Variants in MATK observed in about 807,000 individuals in gnomAD.
The protein encoded by MATK is megakaryocyte-associated tyrosine-protein kinase.
In MATK, 41 loss-of-function variants were observed where a neutral mutation model predicts 59.8. The ratio of observed to expected loss-of-function variants is 0.69; its 90% CI spans 0.53 to 0.89. The LOEUF is 0.89. Ranked by LOEUF, MATK falls within the 40% of genes least tolerant of loss-of-function variation. The pLI, the probability that MATK is intolerant of heterozygous loss-of-function variation, is 0.00. For synonymous variants in MATK, 308 were observed against 306.1 expected (o/e 1.01, Z -0.06); for missense variants, 593 against 719.6 (o/e 0.82, Z 2.01).
intron 1 of MATK, among the ~76,000 whole-genome samples, chr19:3,794,784 C>A (rs981189088): frequency 6.6e-6 from 1 of 152,082 alleles, no homozygotes; most frequent in African/African-American, 2.4e-5. Flanking sequence ...CTCTCATGAC[C>A]TCATGCTCTA....
intron 1 of MATK, among the ~76,000 whole-genome samples, chr19:3,793,902 C>T (rs1316567322): frequency 6.6e-6 from 1 of 151,990 alleles, no homozygotes; most frequent in Non-Finnish European, 1.5e-5. Flanking sequence ...ATAAAAGCTT[C>T]CCATGGTTCC....
At position 3,785,289 on chromosome 19, in the gene MATK, G is replaced by C; in HGVS notation, c.-151-3C>G. 6.7e-7 allele frequency: 1 copy of C among 1,491,418 alleles called. No homozygotes were observed. The highest frequency in any genetic ancestry group is 8.9e-7 in the Non-Finnish European group (1 of 1,122,896). The allele number at this position is 1,491,418 out of a possible 1,614,324, so 92.4% of individuals were successfully genotyped here. A position where few individuals can be genotyped will look rare whatever the true frequency, so the allele number is the denominator to read the frequency against. On this transcript the variant is annotated splice_region_variant and splice_polypyrimidine_tract_variant and intron_variant, in intron 1 of 13. Transcript: ENST00000310132. Reference sequence around the variant, plus strand: ...CCGAGCCTGGTTCTTCCTGTTTTCTGGTTGGTAGGCAGGGGCAGGGTGGGG... The same window carrying C: ...CCGAGCCTGGTTCTTCCTGTTTTCTCGTTGGTAGGCAGGGGCAGGGTGGGG...
Position 3,778,298 on chromosome 19 carries a change from G to T in MATK, c.1409C>A (p.Pro470His). ...CAGCTTCTCGGCCAGTTTGCGGAAG[G>T]GTGGCCGGCGGGCGGGCTCTGCCTC... ...CWEAEPARRP[P>H]FRKLAEKLAR... Residue 470 changes from proline (P) to histidine (H), a missense_variant, in exon 14 of 14, where the codon CCC becomes CAC. Pro to His is a moderately conservative substitution (Grantham distance 77). Coordinates refer to ENST00000310132, the MANE Select transcript of MATK (RefSeq NM_139355.3). 3.2e-6 allele frequency: 5 copies of T among 1,575,826 alleles called. No individual in the cohort carries two copies. Among genetic ancestry groups the T allele is most frequent in the Non-Finnish European group, 4.3e-6 (5 of 1,165,716 alleles).
intron 1 of MATK, among the ~76,000 whole-genome samples, chr19:3,794,465 C>G (rs1452430994): frequency 6.6e-6 from 1 of 152,000 alleles, no homozygotes; most frequent in Admixed American, 6.6e-5. Context: ...ACCAGTCTGG[C>G]CAACATAGTG....
Position 3,778,315 on chromosome 19 carries a change from C to G in MATK, c.1392G>C (p.Glu464Asp). ...HVLMSSCWEA[E>D]PARRPPFRKL... ...TGCGGAAGGGTGGCCGGCGGGCGGG[C>G]TCTGCCTCCCAGCAGCTGCTCATGA... The change falls in exon 14 of 14, where the codon GAG (glutamate) becomes GAC (aspartate). Residue 464 changes from glutamate (E) to aspartate (D), a missense_variant. Coordinates refer to ENST00000310132, the MANE Select transcript of MATK (RefSeq NM_139355.3). 6.3e-7 allele frequency: 1 copy of G among 1,576,826 alleles called. No homozygotes were observed. The highest frequency in any genetic ancestry group is 8.6e-7 in the Non-Finnish European group (1 of 1,165,390).
intron 7 of MATK, 153 bp downstream of exon 7, chr19:3,782,973 C>T (rs2145752290): frequency 3.1e-6 from 2 of 644,756 alleles, no homozygotes; most frequent in Non-Finnish European, 5.4e-6. Context: ...TCTGTGGGCA[C>T]CCCCGAGGCA....
In MATK at chr19:3,797,387, C is replaced by T. The variant is rs1321977452; in HGVS notation, c.-58+4145G>A. ...TCACAGCCCACTGCAGCCTCGACCT[C>T]CTGGGCTCAAGTGATCCTCCTGCCT... On this transcript the variant is annotated intron_variant, in intron 1 of 13. Transcript: ENST00000395045. Among the ~76,000 whole-genome samples the T allele has an allele frequency of 2.0e-5, 3 of 151,494 alleles. No homozygotes were observed. In the East Asian group the frequency reaches 5.9e-4, roughly 30 times the overall value.
At chr19:3,787,756 C>T (rs1014941050), upstream of MATK, 2 of 151,976 alleles carry the variant, frequency 1.3e-5, no homozygotes, top group Non-Finnish European at 2.9e-5. Flanking sequence ...GGCAATGAAC[C>T]GAGATGCCCA....
chr19:3,793,596 G>A (rs1024492485), intron 1 of MATK, among the ~76,000 whole-genome samples: 1 of 152,078 alleles, frequency 6.6e-6, no homozygotes, highest in African/African-American at 2.4e-5. Context: ...CAGCTACTCG[G>A]GAGGCTGAGG....
chr19:3,779,152 T>C lies in MATK; in HGVS notation c.1037A>G (p.Lys346Arg). 1.9e-6 allele frequency: 3 copies of C among 1,606,062 alleles called. No individual in the cohort carries two copies. Among genetic ancestry groups the C allele is most frequent in the Non-Finnish European group, 8.5e-7 (1 of 1,176,872 alleles). ...GGCCAGGTCGCGGTGCACAAGCTTC[T>C]TGCTCTCCAGGTACTCCATGCCCTC... ...VAEGMEYLES[K>R]KLVHRDLAAR... The change falls in exon 12 of 14, where the codon AAG becomes AGG. Residue 346 changes from lysine to arginine, a missense_variant. Transcript: ENST00000310132.
In MATK at chr19:3,784,903, C is replaced by A; in HGVS notation, c.73-19G>T. 6.7e-7 allele frequency: 1 copy of A among 1,503,686 alleles called. No homozygotes were observed. The highest frequency in any genetic ancestry group is 1.4e-5 in the African/African-American group (1 of 72,452). The allele number at this position is 1,503,686 out of a possible 1,614,324, so 93.1% of individuals were successfully genotyped here. A position where few individuals can be genotyped will look rare whatever the true frequency, so the allele number is the denominator to read the frequency against. ...GGCTCACCTGGGGAGGGGACAGAGT[C>A]CAGGTGGGAGCTGGGCTGGGACCCA... On this transcript the variant is annotated intron_variant, in intron 2 of 13. Transcript: ENST00000310132.
chr19:3,782,545 C>G (rs998851727), intron 7 of MATK, among the ~76,000 whole-genome samples: 23 of 152,140 alleles, frequency 1.5e-4, no homozygotes, highest in Non-Finnish European at 4.4e-5. Flanking sequence ...ATGAAGAAAA[C>G]GATGATCACA....
intron 1 of MATK, among the ~76,000 whole-genome samples, chr19:3,794,212 C>T (rs966073693): frequency 2.6e-5 from 4 of 152,158 alleles, no homozygotes; most frequent in Non-Finnish European, 4.4e-5. Flanking sequence ...CTGTCTCACT[C>T]GTCATTGTCA....
At chr19:3,781,045 A>C (rs2037394342) in intron 8 of MATK, among the ~76,000 whole-genome samples, 1 of 152,198 alleles carries the variant, frequency 6.6e-6, no homozygotes, top group Non-Finnish European at 1.5e-5. Flanking sequence ...TGCATGTTTA[A>C]ATGGTTGTAA....
chr19:3,790,722 C>T (rs950979640), upstream of MATK, among the ~76,000 whole-genome samples: 2 of 152,230 alleles, frequency 1.3e-5, no homozygotes, highest in African/African-American at 4.8e-5. Flanking sequence ...CCGTGTCCAG[C>T]TGGCCTCTCC....
chr19:3,778,190 T>A lies in MATK; in HGVS notation c.1517A>T (p.Glu506Val), dbSNP rs1477212644. The A allele has an allele frequency of 1.3e-6, 2 of 1,558,656 alleles. No individual in the cohort carries two copies. The highest frequency in any genetic ancestry group is 1.7e-6 in the Non-Finnish European group (2 of 1,158,928). ...GGGCCCCACCGGGTGGGGTCAGGGC[T>A]CCTGGCTTCGGGGCGAGGTGGAGCC... ...ADGSTSPRSQ[E>V]P Residue 506 changes from glutamate (E) to valine (V), a missense_variant, in exon 14 of 14, where the codon GAG (glutamate) becomes GTG (valine). Glu to Val is a moderately radical substitution (Grantham distance 121). Coordinates refer to ENST00000310132, the MANE Select transcript of MATK (RefSeq NM_139355.3).
At position 3,778,407 on chromosome 19, in the gene MATK, A is replaced by T. The variant is rs2037349587; in HGVS notation, c.1300T>A (p.Ser434Thr). Residue 434 changes from serine to threonine, a missense_variant, in exon 14 of 14, where the codon TCG (serine) becomes ACG (threonine). Ser to Thr is a moderately conservative substitution (Grantham distance 58, BLOSUM62 1). Transcript: ENST00000310132. Reference protein sequence around the residue: ...PYPKMSLKEVSEAVEKGYRME... With the variant: ...PYPKMSLKEVTEAVEKGYRME... The stretch of plus-strand genomic sequence containing the variant: ...CGGTACCCCTTCTCCACGGCCTCCG[A>T]CACCTCTTTCAGTGACTGCGGACAG... 6.2e-7 allele frequency: 1 copy of T among 1,612,792 alleles called. No homozygotes were observed. The highest frequency in any genetic ancestry group is 1.7e-5 in the Admixed American group (1 of 59,954).
chr19:3,779,461 G>A lies in MATK; in HGVS notation c.928-10C>T. 1 of 1,613,000 alleles carries A rather than the reference G, an allele frequency of 6.2e-7. No homozygotes were observed. Among genetic ancestry groups the A allele is most frequent in the African/African-American group, 1.3e-5 (1 of 75,064 alleles). On this transcript the variant is annotated splice_polypyrimidine_tract_variant and intron_variant, in intron 10 of 13. Transcript: ENST00000310132. Reference sequence around the variant, plus strand: ...AGTTCACCAGGTTGCCCTGTTGGGGGTGGGAGATGGCCGCGGGATGTTGGG... The same window carrying A: ...AGTTCACCAGGTTGCCCTGTTGGGGATGGGAGATGGCCGCGGGATGTTGGG...
upstream of MATK, among the ~76,000 whole-genome samples, chr19:3,790,952 G>A (rs898919401): frequency 2.0e-5 from 3 of 152,170 alleles, no homozygotes; most frequent in Admixed American, 6.6e-5. Context: ...CAGCCTGGAG[G>A]AAACAGAGCC....
Sources: allele counts gnomAD v4.1 joint callset (sites outside exome capture counted in the v4.1 genomes callset), GRCh38; gene constraint gnomAD v4.1.1; transcripts MANE v1.5; gene names NCBI Gene and HGNC (gene_info 2026-07-23, HGNC 2026-07-21).